STX8: variants seen among roughly 807,000 people sequenced by gnomAD.
STX8 encodes the protein syntaxin 8, also known as syntaxin-8.
Under a neutral mutation model 37.5 loss-of-function variants are expected in STX8, and 23 were observed. The observed-to-expected ratio is 0.61, with a 90% CI of 0.44 to 0.87. STX8 has a LOEUF of 0.87. STX8 is among the 40% of genes least tolerant of loss of function. The pLI, the probability that STX8 is intolerant of heterozygous loss-of-function variation, is 0.00. For synonymous variants in STX8, 115 were observed against 99.1 expected (o/e 1.16, Z -0.95); for missense variants, 313 against 284.7 (o/e 1.10, Z -0.71).
At chr17:9,316,019 TA>T (rs34817207) in intron 7 of STX8, among the ~76,000 whole-genome samples, 2,655 of 137,806 alleles carry the variant, frequency 0.019, 33 homozygotes, top group African/African-American at 0.053. Context: ...CATCTCCAAT[TA>T]AAAAAAAAAA....
chr17:9,273,622 C>G (rs768499233), intron 7 of STX8, among the ~76,000 whole-genome samples: 1 of 152,222 alleles, frequency 6.6e-6, no homozygotes, highest in African/African-American at 2.4e-5. Flanking sequence ...CATGGCGCTA[C>G]GCAGGTTAAC....
chr17:9,275,698 T>C (rs1054222985), intron 7 of STX8, among the ~76,000 whole-genome samples: 34 of 151,944 alleles, frequency 2.2e-4, no homozygotes, highest in African/African-American at 7.7e-4. Flanking sequence ...AGAAACCCCG[T>C]CTCTAGTAAA....
intron 6 of STX8, among the ~76,000 whole-genome samples, chr17:9,463,353 TG>T (rs1438119542): frequency 6.6e-6 from 1 of 152,238 alleles, no homozygotes. Context: ...GTAACAATTA[TG>T]TTTGTTTCGC....
chr17:9,403,441 G>A (rs1912695453), intron 6 of STX8, among the ~76,000 whole-genome samples: 1 of 152,142 alleles, frequency 6.6e-6, no homozygotes. Flanking sequence ...GTGTGCGATG[G>A]CATAAGTAGG....
intron 7 of STX8, among the ~76,000 whole-genome samples, chr17:9,367,102 C>T (rs888524198): frequency 5.3e-5 from 8 of 151,524 alleles, no homozygotes; most frequent in African/African-American, 9.7e-5. Flanking sequence ...ACACTGTTTG[C>T]ACCCTGAGGC....
At chr17:9,262,839 G>A (rs1161397586) in intron 7 of STX8, among the ~76,000 whole-genome samples, 1 of 152,020 alleles carries the variant, frequency 6.6e-6, no homozygotes, top group African/African-American at 2.4e-5. Flanking sequence ...CTCCCAAAGT[G>A]GTAGGATACA....
At chr17:9,340,502 T>C (rs1910311332) in intron 7 of STX8, among the ~76,000 whole-genome samples, 1 of 152,180 alleles carries the variant, frequency 6.6e-6, no homozygotes, top group East Asian at 1.9e-4. Context: ...TGGTTTTCTA[T>C]CATTTAAATC....
chr17:9,432,326 T>C (rs956228162), intron 6 of STX8, among the ~76,000 whole-genome samples: 4 of 152,210 alleles, frequency 2.6e-5, no homozygotes, highest in Non-Finnish European at 5.9e-5. Flanking sequence ...ATGTGCTGGC[T>C]AAATATCTCA....
At chr17:9,529,522 GAA>G (rs1219697503) in intron 4 of STX8, among the ~76,000 whole-genome samples, 1 of 152,104 alleles carries the variant, frequency 6.6e-6, no homozygotes, top group East Asian at 1.9e-4. Context: ...CCCACAGCAA[GAA>G]AAAGAGTATT....
intron 4 of STX8, among the ~76,000 whole-genome samples, chr17:9,544,809 G>A (rs1327571351): frequency 1.3e-5 from 2 of 152,026 alleles, no homozygotes; most frequent in East Asian, 1.9e-4. Flanking sequence ...TGACTAATAC[G>A]GTGAAACCCC....
At chr17:9,288,566 G>A (rs1437482212) in intron 7 of STX8, among the ~76,000 whole-genome samples, 1 of 152,226 alleles carries the variant, frequency 6.6e-6, no homozygotes, top group East Asian at 1.9e-4. Flanking sequence ...GGAGGCTGAG[G>A]CAGGAGAATG....
chr17:9,350,194 T>C (rs919667041), intron 7 of STX8, among the ~76,000 whole-genome samples: 2 of 145,202 alleles, frequency 1.4e-5, no homozygotes, highest in African/African-American at 5.0e-5. Flanking sequence ...GGGCCGCGTA[T>C]ACAGCGTGGA....
intron 2 of STX8, among the ~76,000 whole-genome samples, chr17:9,559,762 T>TA (rs1567610177): frequency 5.8e-4 from 20 of 34,750 alleles, no homozygotes; most frequent in African/African-American, 2.3e-3. Context: ...ATATATATAT[T>TA]TTTTTTTTTT....
At chr17:9,331,222 A>G (rs577645268) in intron 7 of STX8, among the ~76,000 whole-genome samples, 3 of 152,208 alleles carry the variant, frequency 2.0e-5, no homozygotes, top group South Asian at 2.1e-4. Context: ...ATATGTACAT[A>G]TATCACATAA....
At chr17:9,307,377 A>G (rs142675372) in intron 7 of STX8, among the ~76,000 whole-genome samples, 17 of 152,130 alleles carry the variant, frequency 1.1e-4, no homozygotes, top group African/African-American at 2.9e-4. Flanking sequence ...ACATGGGGCA[A>G]CACCTGGGCT....
At chr17:9,346,614 G>A (rs896704198) in intron 7 of STX8, among the ~76,000 whole-genome samples, 3 of 152,112 alleles carry the variant, frequency 2.0e-5, no homozygotes, top group African/African-American at 4.8e-5. Context: ...CAGGTCTGAG[G>A]GTTGATTTCA....
intron 7 of STX8, among the ~76,000 whole-genome samples, chr17:9,259,985 C>T (rs575148075): frequency 3.3e-5 from 5 of 151,366 alleles, no homozygotes; most frequent in East Asian, 2.0e-4. Flanking sequence ...TGGGAGGTCA[C>T]GGCGGGTGGA....
chr17:9,486,229 G>A (rs532817938), intron 6 of STX8, among the ~76,000 whole-genome samples: 1 of 152,304 alleles, frequency 6.6e-6, no homozygotes, highest in South Asian at 2.1e-4. Context: ...AGGAACCAGG[G>A]ATCCTTGAGG....
intron 6 of STX8, among the ~76,000 whole-genome samples, chr17:9,407,969 C>A (rs909781084): frequency 6.6e-6 from 1 of 152,064 alleles, no homozygotes; most frequent in Non-Finnish European, 1.5e-5. Context: ...TGCAAATGTT[C>A]CCCCCACAAG....
Sources: gnomAD v4.1 joint callset for allele counts (sites outside exome capture counted in the v4.1 genomes callset) on GRCh38, gnomAD v4.1.1 for gene constraint, MANE v1.5 for transcripts, NCBI Gene and HGNC (gene_info 2026-07-23, HGNC 2026-07-21) for gene names.